Variants in USP33 observed in about 807,000 individuals in gnomAD.
The protein encoded by USP33 is ubiquitin carboxyl-terminal hydrolase 33.
Under a neutral mutation model 124.2 loss-of-function variants are expected in USP33, and 46 were observed. The observed-to-expected ratio is 0.37, with a 90% CI of 0.29 to 0.47. USP33 has a LOEUF of 0.47. Among genes scored for constraint, USP33 ranks in the 20% least tolerant of loss-of-function variants. The probability of loss-of-function intolerance (pLI) is 0.99; values close to 1 mark genes in which losing one functional copy is unlikely to be tolerated. For missense variants in USP33, 851 were observed against 1,070.6 expected (o/e 0.79, Z 2.86); for synonymous variants, 350 against 352.3 (o/e 0.99, Z 0.07).
intron 7 of USP33, among the ~76,000 whole-genome samples, chr1:77,733,239 TA>T (rs1678048571): frequency 6.6e-6 from 1 of 151,910 alleles, no homozygotes; most frequent in African/African-American, 2.4e-5. Flanking sequence ...ACAAAAAATT[TA>T]AAAATTAGTC....
chr1:77,723,478 A>G, intron 11 of USP33, 35 bp from the exon 12 acceptor site: 1 of 1,394,730 alleles, frequency 7.2e-7, no homozygotes. Context: ...AAATCAAAGC[A>G]GCTCCTTTAA....
chr1:77,727,545 AGTT>A (rs1677308249), intron 10 of USP33, among the ~76,000 whole-genome samples: 1 of 152,246 alleles, frequency 6.6e-6, no homozygotes, highest in South Asian at 2.1e-4. Context: ...GTCTTCCTAT[AGTT>A]AATAATATTT....
intron 1 of USP33, among the ~76,000 whole-genome samples, chr1:77,745,944 C>T (rs1318676379): frequency 5.3e-5 from 8 of 151,368 alleles, no homozygotes; most frequent in African/African-American, 1.7e-4. Context: ...GATCTAAAAT[C>T]GACACCCTAA....
intron 1 of USP33, among the ~76,000 whole-genome samples, chr1:77,758,893 C>G (rs1681058642): frequency 6.6e-6 from 1 of 152,184 alleles, no homozygotes. Context: ...GCTCAATTTT[C>G]CAGGCCTAAT....
chr1:77,758,803 T>C (rs1006429377), intron 1 of USP33, among the ~76,000 whole-genome samples: 5 of 152,178 alleles, frequency 3.3e-5, no homozygotes, highest in Non-Finnish European at 7.3e-5. Flanking sequence ...ACATAGTTAT[T>C]AAGCAAAAGG....
rs760912159 is a variant in USP33 at position 77,717,993 on chromosome 1, T to C, written c.1792A>G (p.Ile598Val). 5 of 1,613,570 alleles carry C rather than the reference T, an allele frequency of 3.1e-6. No individual in the cohort carries two copies. The highest frequency in any genetic ancestry group is 3.4e-6 in the Non-Finnish European group (4 of 1,179,764). Reference sequence around the variant, plus strand: ...AGCGGAAATGAAACATGGGTACTGATTTTGGTGGAAAACATTAGTTCATGT... The same window carrying C: ...AGCGGAAATGAAACATGGGTACTGACTTTGGTGGAAAACATTAGTTCATGT... ...FRHELMFSTK[I>V]STHVSFPLEG... The change falls in exon 17 of 24, where the codon ATC (isoleucine) becomes GTC (valine). Residue 598 changes from isoleucine (I) to valine (V), a missense_variant. Physicochemically the swap from Ile to Val is conservative, Grantham distance 29. Around this residue, in one of 4 missense-constraint regions of USP33, gnomAD observed 281 missense variants for 425.0 expected, o/e 0.66. Transcript: ENST00000370794.
At chr1:77,724,518 A>T (rs2101413821) in intron 11 of USP33, among the ~76,000 whole-genome samples, 1 of 152,280 alleles carries the variant, frequency 6.6e-6, no homozygotes, top group Middle Eastern at 3.4e-3. Context: ...TCCCATATAT[A>T]CCTGGAAGGA....
intron 5 of USP33, among the ~76,000 whole-genome samples, chr1:77,738,115 G>T (rs1678689768): frequency 6.6e-6 from 1 of 152,192 alleles, no homozygotes. Context: ...AACTGAAAAT[G>T]CAAGAAATTA....
chr1:77,735,611 C>T (rs921230667), intron 6 of USP33, among the ~76,000 whole-genome samples: 1 of 152,090 alleles, frequency 6.6e-6, no homozygotes, highest in Non-Finnish European at 1.5e-5. Flanking sequence ...ATACTAAGAA[C>T]AGTGGGCCTA....
intron 21 of USP33, among the ~76,000 whole-genome samples, chr1:77,708,423 T>C (rs1322997455): frequency 6.6e-6 from 1 of 152,222 alleles, no homozygotes; most frequent in Non-Finnish European, 1.5e-5. Context: ...TCTCACTTAG[T>C]ATTGTATGCA....
At chr1:77,756,819 G>A (rs924070744) in intron 1 of USP33, among the ~76,000 whole-genome samples, 1 of 152,106 alleles carries the variant, frequency 6.6e-6, no homozygotes, top group Admixed American at 6.5e-5. Flanking sequence ...ATGCACTTCA[G>A]AGAAACCATA....
Position 77,759,758 on chromosome 1 carries a change from A to T in USP33, c.-167T>A, listed in dbSNP as rs1681156582. The T allele has an allele frequency of 2.5e-6, 1 of 397,822 alleles. No individual in the cohort carries two copies. Among genetic ancestry groups the T allele is most frequent in the Non-Finnish European group, 4.4e-6 (1 of 225,556 alleles). The allele number at this position is 397,822 out of a possible 1,614,324, so 24.6% of individuals were successfully genotyped here. ...CGGAGAGGGGCAGTGTCGCGTCAGGAGGGCCGGAAAACGGCCCCGCAGCGC... is the reference window on the plus strand; with the variant it reads ...CGGAGAGGGGCAGTGTCGCGTCAGGTGGGCCGGAAAACGGCCCCGCAGCGC... On this transcript the variant is annotated 5_prime_UTR_variant, in exon 1 of 24. Transcript: ENST00000370794.
intron 15 of USP33, chr1:77,720,584 T>C: frequency 1.0e-6 from 1 of 985,466 alleles, no homozygotes; most frequent in South Asian, 4.7e-5. Flanking sequence ...AGCCGTTGCA[T>C]TCCTATTACA....
Position 77,730,634 on chromosome 1 carries a change from GCT to G in USP33, c.620_621del (p.Glu207AlafsTer4). The G allele has an allele frequency of 6.3e-7, 1 of 1,590,294 alleles. No individual in the cohort carries two copies. The highest frequency in any genetic ancestry group is 8.6e-7 in the Non-Finnish European group (1 of 1,166,642). On this transcript the variant is annotated frameshift_variant, in exon 8 of 24. Transcript: ENST00000370794. LOFTEE classifies it high-confidence loss of function. ...GTTACATACCTGCTTTTATGCCACAGCTCTGTCATTAGTTTGAGATAACTTTT... is the reference window on the plus strand; with the variant it reads ...GTTACATACCTGCTTTTATGCCACAGCTGTCATTAGTTTGAGATAACTTTT... ...ICKSYLKLMTELWHKSRPGSV... is the reference protein window; with the variant it reads ...ICKSYLKLMTXLWHKSRPGSV...
Position 77,713,297 on chromosome 1 carries a change from A to C in USP33, c.2216-16T>G, listed in dbSNP as rs1161691309. 6 of 1,561,298 alleles carry C rather than the reference A, an allele frequency of 3.8e-6. No homozygotes were observed. Among genetic ancestry groups the C allele is most frequent in the Non-Finnish European group, 5.2e-6 (6 of 1,158,730 alleles). Reference sequence around the variant, plus strand: ...GGAGGAACACCTAAAAAAATATATAAACATATCTGTTTCATGCTTTTAATT... The same window carrying C: ...GGAGGAACACCTAAAAAAATATATACACATATCTGTTTCATGCTTTTAATT... On this transcript the variant is annotated splice_polypyrimidine_tract_variant and intron_variant, in intron 19 of 23. Coordinates refer to ENST00000370794, the MANE Select transcript of USP33 (RefSeq NM_201624.3).
chr1:77,735,082 C>T (rs1010198364), intron 6 of USP33, among the ~76,000 whole-genome samples: 20 of 151,198 alleles, frequency 1.3e-4, no homozygotes, highest in African/African-American at 4.6e-4. Context: ...GAGATTGCAC[C>T]ACTGCACTCC....
In USP33 at chr1:77,747,948, T is replaced by A. The variant is rs185045408; in HGVS notation, c.-51-6200A>T. 2.4e-3 allele frequency among the ~76,000 whole-genome samples: 362 copies of A among 152,326 alleles called. 1 individual carries two copies. Among genetic ancestry groups the A allele is most frequent in the Non-Finnish European group, 3.2e-3 (221 of 68,032 alleles). ...TACTGGATTTCTGGATTCTCTATTTTATTCCACCAATCTATGACAATACCA... is the reference window on the plus strand; with the variant it reads ...TACTGGATTTCTGGATTCTCTATTTAATTCCACCAATCTATGACAATACCA... On this transcript the variant is annotated intron_variant, in intron 1 of 23. Transcript: ENST00000370794.
At chr1:77,731,456 G>C (rs940956958) in intron 7 of USP33, among the ~76,000 whole-genome samples, 3 of 152,048 alleles carry the variant, frequency 2.0e-5, no homozygotes, top group African/African-American at 4.8e-5. Flanking sequence ...TTAGGCAAAG[G>C]ACCAAATCCT....
At chr1:77,723,176 A>C (rs1676769475) in intron 12 of USP33, among the ~76,000 whole-genome samples, 155 bp downstream of exon 12, 1 of 151,834 alleles carries the variant, frequency 6.6e-6, no homozygotes. Flanking sequence ...AAAATTCTAC[A>C]CCTAGAATCA....
Sources: gnomAD v4.1 joint callset for allele counts (sites outside exome capture counted in the v4.1 genomes callset) on GRCh38, gnomAD v4.1.1 for gene constraint, gnomAD v4.1.1 regional missense constraint, MANE v1.5 for transcripts, NCBI Gene and HGNC (gene_info 2026-07-23, HGNC 2026-07-21) for gene names.